The following MPDZ variants were observed in gnomAD, a reference collection of about 807,000 sequenced individuals.
MPDZ encodes multiple PDZ domain crumbs cell polarity complex component, also known as multiple PDZ domain protein.
Under a neutral mutation model 239.1 loss-of-function variants are expected in MPDZ, and 234 were observed. The observed-to-expected ratio is 0.98, with a 90% CI of 0.88 to 1.09. MPDZ has a LOEUF of 1.09. Among genes scored for constraint, MPDZ ranks in the 50% least tolerant of loss-of-function variants. The pLI is 0.00. For missense variants in MPDZ, 3,175 were observed against 2,510.0 expected, an observed-to-expected ratio of 1.26 and a Z score of -5.66; for synonymous variants, 1,048 against 881.3, an observed-to-expected ratio of 1.19 and a Z score of -3.35.
intron 16 of MPDZ, 116 bp from the exon 17 acceptor site, chr9:13,189,109 C>T: frequency 1.2e-6 from 1 of 833,892 alleles, no homozygotes; most frequent in Non-Finnish European, 1.8e-6. Flanking sequence ...TAAAAATTTT[C>T]ATGCCAAAAA....
At chr9:13,215,029 A>T (rs768203579) in intron 10 of MPDZ, among the ~76,000 whole-genome samples, 1 of 152,006 alleles carries the variant, frequency 6.6e-6, no homozygotes, top group African/African-American at 2.4e-5. Context: ...GTACAATTCA[A>T]TAGTGCTAAG....
chr9:13,170,577 T>C (rs1285293023), intron 21 of MPDZ, among the ~76,000 whole-genome samples: 1 of 152,174 alleles, frequency 6.6e-6, no homozygotes, highest in Admixed American at 6.6e-5. Context: ...TAACTGTACT[T>C]TGGTAAAATA....
intron 10 of MPDZ, among the ~76,000 whole-genome samples, chr9:13,215,945 G>GTTTTTTT (rs71331531): frequency 3.6e-5 from 3 of 82,634 alleles, no homozygotes; most frequent in Admixed American, 1.4e-4. Context: ...TCAGCAATTT[G>GTTTTTTT]TTTTTTTTTT....
intron 40 of MPDZ, among the ~76,000 whole-genome samples, chr9:13,114,605 AAT>A (rs1333597769): frequency 6.6e-6 from 1 of 152,164 alleles, no homozygotes; most frequent in Non-Finnish European, 1.5e-5. Context: ...ATATTTTTAA[AAT>A]ATGTTATCTT....
intron 24 of MPDZ, among the ~76,000 whole-genome samples, chr9:13,151,093 C>T (rs1057054229): frequency 1.3e-5 from 2 of 151,976 alleles, no homozygotes; most frequent in African/African-American, 2.4e-5. Flanking sequence ...ATCAAAAGCA[C>T]AGTAAGATAC....
chr9:13,262,634 T>C (rs1057356986), intron 1 of MPDZ, among the ~76,000 whole-genome samples: 4 of 148,824 alleles, frequency 2.7e-5, no homozygotes, highest in African/African-American at 5.0e-5. Context: ...GAACAAAAAA[T>C]ACTCTAGCAA....
Position 13,136,803 on chromosome 9 carries a change from T to C in MPDZ, c.4201A>G (p.Ile1401Val), listed in dbSNP as rs892628230. The change falls in exon 30 of 47, where the codon ATC (isoleucine) becomes GTC (valine). Residue 1401 changes from isoleucine to valine, a missense_variant and splice_region_variant. Ile to Val is a conservative substitution (Grantham distance 29, BLOSUM62 3). Transcript: ENST00000319217. ...CTTCCATATAAAATCTGACCATTGA[T>C]CTGTGAGAAATAAATATCATTAGTT... ...RLQIADELLE[I>V]NGQILYGRSH... 2 of 1,574,650 alleles carry C rather than the reference T, an allele frequency of 1.3e-6. No homozygotes were observed. Among genetic ancestry groups the C allele is most frequent in the African/African-American group, 1.3e-5 (1 of 74,254 alleles).
intron 12 of MPDZ, among the ~76,000 whole-genome samples, chr9:13,198,737 C>CTCTCTCTCTGTGTGTGTG (rs755487892): frequency 8.6e-5 from 6 of 69,808 alleles, no homozygotes; most frequent in Non-Finnish European, 1.7e-4. Context: ...ATCTCTCTCT[C>CTCTCTCTCTGTGTGTGTG]TGTGTGTGTG....
intron 46 of MPDZ, among the ~76,000 whole-genome samples, chr9:13,107,680 T>C (rs10217351): frequency 0.57 from 86,582 of 152,024 alleles, 25,016 homozygotes; most frequent in Non-Finnish European, 0.61. Flanking sequence ...GCTGTCTTAG[T>C]TCTTACTTCC....
At chr9:13,161,909 T>C (rs1950534392) in intron 23 of MPDZ, among the ~76,000 whole-genome samples, 2 of 152,164 alleles carry the variant, frequency 1.3e-5, no homozygotes, top group Admixed American at 6.6e-5. Flanking sequence ...TTTCCTAACA[T>C]GCATATATGC....
At chr9:13,269,178 A>C (rs1014940416) in intron 1 of MPDZ, among the ~76,000 whole-genome samples, 1 of 152,090 alleles carries the variant, frequency 6.6e-6, no homozygotes, top group Non-Finnish European at 1.5e-5. Context: ...ACAGAGGTCA[A>C]CTCTCCCAGT....
intron 10 of MPDZ, among the ~76,000 whole-genome samples, 168 bp from the exon 11 acceptor site, chr9:13,206,267 G>A (rs1171076129): frequency 1.3e-5 from 2 of 152,046 alleles, no homozygotes; most frequent in Non-Finnish European, 2.9e-5. Context: ...TTGGAAACCA[G>A]TATTAACAGG....
At chr9:13,229,951 A>G (rs896004994) in intron 3 of MPDZ, among the ~76,000 whole-genome samples, 1 of 152,120 alleles carries the variant, frequency 6.6e-6, no homozygotes, top group Non-Finnish European at 1.5e-5. Flanking sequence ...TATCTGACAT[A>G]TGACTCATAT....
At chr9:13,148,731 C>T (rs889860396) in intron 25 of MPDZ, among the ~76,000 whole-genome samples, 1 of 105,298 alleles carries the variant, frequency 9.5e-6, no homozygotes, top group African/African-American at 5.2e-5. Flanking sequence ...TGCAGATCTG[C>T]ACTCACCTAG....
At chr9:13,231,634 A>G (rs984290199) in intron 3 of MPDZ, among the ~76,000 whole-genome samples, 1 of 152,000 alleles carries the variant, frequency 6.6e-6, no homozygotes, top group Non-Finnish European at 1.5e-5. Flanking sequence ...CCCCGCAAAA[A>G]TAAAACAAGA....
At chr9:13,120,531 T>A (rs111293718) in intron 38 of MPDZ, 1 of 152,212 alleles carries the variant, frequency 6.6e-6, no homozygotes, top group Admixed American at 6.5e-5. Context: ...TCATATTTCA[T>A]GAGAACTAGA....
At chr9:13,199,335 A>AT (rs1218526788) in intron 12 of MPDZ, among the ~76,000 whole-genome samples, 1 of 151,860 alleles carries the variant, frequency 6.6e-6, no homozygotes, top group African/African-American at 2.4e-5. Context: ...TATGCTACTT[A>AT]TTTTTTATGT....
At chr9:13,195,723 A>T (rs894350896) in intron 13 of MPDZ, among the ~76,000 whole-genome samples, 2 of 152,160 alleles carry the variant, frequency 1.3e-5, no homozygotes, top group African/African-American at 4.8e-5. Flanking sequence ...AAAGAGTAGA[A>T]AAGAGTCCTT....
intron 12 of MPDZ, among the ~76,000 whole-genome samples, chr9:13,202,609 T>G (rs1478062821): frequency 6.6e-6 from 1 of 152,182 alleles, no homozygotes; most frequent in Non-Finnish European, 1.5e-5. Flanking sequence ...CTCCTGGAAC[T>G]CCCAGTGGTT....
Sources: allele counts gnomAD v4.1 joint callset (sites outside exome capture counted in the v4.1 genomes callset), GRCh38; gene constraint gnomAD v4.1.1; transcripts MANE v1.5; gene names NCBI Gene and HGNC (gene_info 2026-07-23, HGNC 2026-07-21).